The following XCL1 variants were observed in gnomAD, a reference collection of about 807,000 sequenced individuals.
XCL1 encodes the protein lymphotactin.
In XCL1, 6 loss-of-function variants were observed where a neutral mutation model predicts 7.4. The observed-to-expected ratio is 0.82, with a 90% CI of 0.45 to 1.61. The LOEUF is 1.61. Ranked by LOEUF, XCL1 falls within the 40% of genes most tolerant of loss-of-function variation. The pLI is 0.01. For missense variants in XCL1, 122 were observed against 138.2 expected (o/e 0.88, Z 0.59); for synonymous variants, 48 against 52.4 (o/e 0.92, Z 0.36).
intron 1 of XCL1, chr1:168,578,760 T>G: frequency 2.2e-6 from 1 of 455,390 alleles, no homozygotes; most frequent in Admixed American, 2.5e-5. Context: ...TCCGTCATTG[T>G]AATTTGTCCT....
chr1:168,576,673 C>T lies in XCL1; in HGVS notation c.36C>T (p.Cys12=). Residue 12 remains cysteine (C), a synonymous_variant, in exon 1 of 3, where the codon TGC becomes TGT. Coordinates refer to ENST00000367818, the MANE Select transcript of XCL1 (RefSeq NM_002995.3). ...TCATCCTGGCCCTCCTTGGCATCTG[C>T]TCTCTCACTGCATACATTGTGGAAG... ...RLLILALLGI[C]SLTAYIVEGV... The T allele has an allele frequency of 6.2e-7, 1 of 1,613,826 alleles. No individual in the cohort carries two copies. The highest frequency in any genetic ancestry group is 8.5e-7 in the Non-Finnish European group (1 of 1,179,824).
intron 1 of XCL1, among the ~76,000 whole-genome samples, chr1:168,576,993 A>G (rs1184254460): frequency 6.6e-6 from 1 of 152,240 alleles, no homozygotes; most frequent in Non-Finnish European, 1.5e-5. Flanking sequence ...ATAGTATAAC[A>G]GACATGATCA....
rs1655183272 is a variant in XCL1, at chr1:168,581,956, T to C, written c.*736T>C. The C allele has an allele frequency of 6.6e-6, 1 of 152,252 alleles. No individual in the cohort carries two copies. Among genetic ancestry groups the C allele is most frequent in the Admixed American group, 6.5e-5 (1 of 15,278 alleles). The allele number at this position is 152,252 out of a possible 1,614,324, so 9.4% of individuals were successfully genotyped here. On this transcript the variant is annotated 3_prime_UTR_variant, in exon 3 of 3. Coordinates refer to ENST00000367818, the MANE Select transcript of XCL1 (RefSeq NM_002995.3). The stretch of plus-strand genomic sequence containing the variant: ...CCATTACGCTAGTTATCATGCATGT[T>C]ATGCTTTACTGCGAATAAGCTTTTA...
At chr1:168,579,484 A>G (rs671345) in intron 1 of XCL1, 23 of 180,144 alleles carry the variant, frequency 1.3e-4, no homozygotes, top group East Asian at 5.1e-4. Flanking sequence ...TTTAAAAAGG[A>G]GAACACCTTT....
In XCL1 at chr1:168,581,089, C is replaced by T; in HGVS notation, c.214C>T (p.Pro72Ser). 1.2e-6 allele frequency: 2 copies of T among 1,613,762 alleles called. No individual in the cohort carries two copies. The highest frequency in any genetic ancestry group is 2.2e-5 in the East Asian group (1 of 44,882). The change falls in exon 3 of 3, where the codon CCA (proline) becomes TCA (serine). Residue 72 changes from proline (P) to serine (S), a missense_variant. Pro to Ser is a moderately conservative substitution (Grantham distance 74, BLOSUM62 -1). Coordinates refer to ENST00000367818, the MANE Select transcript of XCL1 (RefSeq NM_002995.3). The part of the protein sequence containing the change: ...TKRGLKVCAD[P>S]QATWVRDVVR... ...ACGTGGCCTAAAAGTCTGTGCTGAT[C>T]CACAAGCCACATGGGTGAGAGACGT...
intron 1 of XCL1, chr1:168,578,961 T>C (rs956843328): frequency 2.6e-6 from 1 of 390,988 alleles, no homozygotes; most frequent in South Asian, 2.0e-5. Context: ...GTCCACACCA[T>C]GTGCAATACC....
chr1:168,577,899 C>T (rs929715882), intron 1 of XCL1, among the ~76,000 whole-genome samples: 1 of 152,118 alleles, frequency 6.6e-6, no homozygotes, highest in Non-Finnish European at 1.5e-5. Flanking sequence ...TAGCTTCTTA[C>T]ATACAAAAAT....
At chr1:168,577,931 T>C (rs757373283) in intron 1 of XCL1, among the ~76,000 whole-genome samples, 6 of 152,192 alleles carry the variant, frequency 3.9e-5, no homozygotes, top group Non-Finnish European at 7.3e-5. Flanking sequence ...GTCTCTGCTT[T>C]GACTCAATTT....
At chr1:168,579,520 C>A (rs868657475) in intron 1 of XCL1, 1 of 173,758 alleles carries the variant, frequency 5.8e-6, no homozygotes, top group Admixed American at 5.7e-5. Context: ...AGCATGCTTC[C>A]TTCCCTCACT....
chr1:168,577,180 A>C (rs1248169860), intron 1 of XCL1, among the ~76,000 whole-genome samples: 5 of 152,204 alleles, frequency 3.3e-5, no homozygotes, highest in African/African-American at 1.2e-4. Flanking sequence ...TAGAGAGTTC[A>C]GTTACAATGT....
chr1:168,581,289 T>C lies in XCL1; in HGVS notation c.*69T>C. The C allele has an allele frequency of 6.4e-7, 1 of 1,556,662 alleles. No homozygotes were observed. Among genetic ancestry groups the C allele is most frequent in the Non-Finnish European group, 8.7e-7 (1 of 1,148,786 alleles). ...CACTTTACACGCTCATGGACTGAGT[T>C]TATACTCACCTTTTATGAAAGCACT... On this transcript the variant is annotated 3_prime_UTR_variant, in exon 3 of 3. Transcript: ENST00000367818.
At position 168,581,210 on chromosome 1, in the gene XCL1, T is replaced by C; in HGVS notation, c.335T>C (p.Leu112Pro). 6.2e-7 allele frequency: 1 copy of C among 1,613,668 alleles called. No individual in the cohort carries two copies. The highest frequency in any genetic ancestry group is 8.5e-7 in the Non-Finnish European group (1 of 1,179,724). ...TQQSTNTAVT[L>P]TG Reference sequence around the variant, plus strand: ...CAATCGACCAATACAGCTGTGACTCTGACTGGCTAGTAGTCTCTGGCACCC... The same window carrying C: ...CAATCGACCAATACAGCTGTGACTCCGACTGGCTAGTAGTCTCTGGCACCC... The change falls in exon 3 of 3, where the codon CTG becomes CCG. Residue 112 changes from leucine (L) to proline (P), a missense_variant. Leu to Pro is a moderately conservative substitution (Grantham distance 98, BLOSUM62 -3). Transcript: ENST00000367818.
Position 168,576,690 on chromosome 1 carries a change from T to C in XCL1, c.53T>C (p.Ile18Thr), listed in dbSNP as rs145158258. Residue 18 changes from isoleucine to threonine, a missense_variant, in exon 1 of 3, where the codon ATT becomes ACT. By Grantham distance (89) the Ile-to-Thr change is moderately conservative. Coordinates refer to ENST00000367818, the MANE Select transcript of XCL1 (RefSeq NM_002995.3). ...GGCATCTGCTCTCTCACTGCATACATTGTGGAAGGTAAGTGGAGAAGCTGT... is the reference window on the plus strand; with the variant it reads ...GGCATCTGCTCTCTCACTGCATACACTGTGGAAGGTAAGTGGAGAAGCTGT... ...LLGICSLTAYIVEGVGSEVSD... is the reference protein window; with the variant it reads ...LLGICSLTAYTVEGVGSEVSD... The C allele has an allele frequency of 2.2e-5, 35 of 1,613,654 alleles. No homozygotes were observed. The highest frequency in any genetic ancestry group is 2.8e-5 in the Non-Finnish European group (33 of 1,179,794).
At chr1:168,580,282 G>A in intron 2 of XCL1, 105 bp downstream of exon 2, 6 of 1,281,144 alleles carry the variant, frequency 4.7e-6, no homozygotes, top group Non-Finnish European at 5.4e-6. Context: ...CAGCATAGAG[G>A]AACACCTCAA....
intron 2 of XCL1, among the ~76,000 whole-genome samples, chr1:168,580,572 G>T (rs191418181): frequency 1.3e-5 from 2 of 152,228 alleles, no homozygotes; most frequent in African/African-American, 4.8e-5. Flanking sequence ...CATATTTCAA[G>T]AAAATGAGTC....
rs758884805 is a variant in XCL1 at position 168,581,162 on chromosome 1, A to G, written c.287A>G (p.Gln96Arg). 6.2e-7 allele frequency: 1 copy of G among 1,613,842 alleles called. No homozygotes were observed. The highest frequency in any genetic ancestry group is 1.1e-5 in the South Asian group (1 of 91,066). Residue 96 changes from glutamine (Q) to arginine (R), a missense_variant, in exon 3 of 3, where the codon CAG (glutamine) becomes CGG (arginine). Gln to Arg is a conservative substitution (Grantham distance 43, BLOSUM62 1). Coordinates refer to ENST00000367818, the MANE Select transcript of XCL1 (RefSeq NM_002995.3). ...TCCAACACCAGAAATAACATGATCCAGACCAAGCCAACAGGAACCCAGCAA... is the reference window on the plus strand; with the variant it reads ...TCCAACACCAGAAATAACATGATCCGGACCAAGCCAACAGGAACCCAGCAA... The part of the protein sequence containing the change: ...RKSNTRNNMI[Q>R]TKPTGTQQST...
Position 168,581,090 on chromosome 1 carries a change from C to T in XCL1, c.215C>T (p.Pro72Leu), listed in dbSNP as rs374785067. The T allele has an allele frequency of 2.5e-6, 4 of 1,613,648 alleles. No individual in the cohort carries two copies. The highest frequency in any genetic ancestry group is 3.4e-6 in the Non-Finnish European group (4 of 1,179,768). The change falls in exon 3 of 3, where the codon CCA becomes CTA. Residue 72 changes from proline to leucine, a missense_variant. Pro to Leu is a moderately conservative substitution (Grantham distance 98, BLOSUM62 -3). Transcript: ENST00000367818. ...CGTGGCCTAAAAGTCTGTGCTGATCCACAAGCCACATGGGTGAGAGACGTG... is the reference window on the plus strand; with the variant it reads ...CGTGGCCTAAAAGTCTGTGCTGATCTACAAGCCACATGGGTGAGAGACGTG... Reference protein sequence around the residue: ...TKRGLKVCADPQATWVRDVVR... With the variant: ...TKRGLKVCADLQATWVRDVVR...
chr1:168,576,610 C>T lies in XCL1; in HGVS notation c.-28C>T, dbSNP rs757665528. 3.7e-6 allele frequency: 6 copies of T among 1,613,010 alleles called. No individual in the cohort carries two copies. The highest frequency in any genetic ancestry group is 4.5e-5 in the East Asian group (2 of 44,860). ...CCTCAAAGAGCCCGATCCTCACTCT[C>T]CTTGCACAGCTCAGCAGGACCTCAG... is the stretch of plus-strand genomic sequence containing the variant. On this transcript the variant is annotated 5_prime_UTR_variant, in exon 1 of 3. Coordinates refer to ENST00000367818, the MANE Select transcript of XCL1 (RefSeq NM_002995.3).
intron 1 of XCL1, among the ~76,000 whole-genome samples, chr1:168,579,804 G>A (rs552552036): frequency 5.9e-5 from 9 of 151,942 alleles, no homozygotes; most frequent in Admixed American, 5.9e-4. Flanking sequence ...ACACAGAGAC[G>A]GGATAACATC....
Sources: allele counts gnomAD v4.1 joint callset (sites outside exome capture counted in the v4.1 genomes callset), GRCh38; gene constraint gnomAD v4.1.1; transcripts MANE v1.5; gene names NCBI Gene and HGNC (gene_info 2026-07-23, HGNC 2026-07-21).